Variants in SHOC1 observed in about 807,000 individuals in gnomAD.
SHOC1 encodes shortage in chiasmata 1.
Under a neutral mutation model 179.2 loss-of-function variants are expected in SHOC1, and 136 were observed. The ratio of observed to expected loss-of-function variants is 0.76; its 90% confidence interval spans 0.66 to 0.87. The LOEUF (loss-of-function observed/expected upper bound fraction) is 0.87. Ranked by LOEUF, SHOC1 falls within the 40% of genes least tolerant of loss-of-function variation. The pLI is 0.00. For synonymous variants in SHOC1, 489 were observed against 586.6 expected (o/e 0.83, Z 2.41); for missense variants, 1,538 against 1,700.8 (o/e 0.90, Z 1.68).
At chr9:111,707,711 T>C in intron 19 of SHOC1, 144 bp downstream of exon 19, 1 of 596,664 alleles carries the variant, frequency 1.7e-6, no homozygotes, top group Non-Finnish European at 3.0e-6. Flanking sequence ...AAGTGCCCTA[T>C]GTAAAGCATT....
At chr9:111,743,402 G>A (rs1296677016) in intron 10 of SHOC1, among the ~76,000 whole-genome samples, 1 of 152,066 alleles carries the variant, frequency 6.6e-6, no homozygotes, top group Non-Finnish European at 1.5e-5. Flanking sequence ...GCACTGTTGC[G>A]AGCAGTGTGA....
In SHOC1 at chr9:111,700,105, A is replaced by C. The variant is rs532100251; in HGVS notation, c.3090-58T>G. On this transcript the variant is annotated intron_variant, in intron 23 of 27. Transcript: ENST00000682961. ...ATTTGATATCAGATTATATTTATTAAAAATTCATTTTGTTTTCCACATTTC... is the reference window on the plus strand; with the variant it reads ...ATTTGATATCAGATTATATTTATTACAAATTCATTTTGTTTTCCACATTTC... 7.4e-6 allele frequency: 7 copies of C among 944,464 alleles called. No individual in the cohort carries two copies. The East Asian group carries it at 1.7e-4, about 23-fold the overall frequency. The allele number at this position is 944,464 out of a possible 1,614,324, so 58.5% of individuals were successfully genotyped here.
intron 18 of SHOC1, among the ~76,000 whole-genome samples, chr9:111,709,143 C>T (rs1049039739): frequency 6.6e-6 from 1 of 152,202 alleles, no homozygotes; most frequent in Non-Finnish European, 1.5e-5. Flanking sequence ...GAGTTCGAGA[C>T]CAGCCTGGCC....
At chr9:111,789,707 A>G (rs1397992813) in intron 2 of SHOC1, among the ~76,000 whole-genome samples, 1 of 152,198 alleles carries the variant, frequency 6.6e-6, no homozygotes, top group African/African-American at 2.4e-5. Context: ...CGTTTGTATT[A>G]TATCACGGAC....
chr9:111,715,998 A>AT (rs139029768), intron 16 of SHOC1, among the ~76,000 whole-genome samples: 131 of 150,456 alleles, frequency 8.7e-4, no homozygotes, highest in Middle Eastern at 6.9e-3. Flanking sequence ...ACCTCCGTGG[A>AT]TTTTTTTTTT....
chr9:111,757,733 G>C (rs953747540), intron 7 of SHOC1, among the ~76,000 whole-genome samples: 1 of 152,082 alleles, frequency 6.6e-6, no homozygotes, highest in Non-Finnish European at 1.5e-5. Context: ...TCTAGTTCAG[G>C]TGTCAATTTT....
chr9:111,788,953 T>G (rs1272891227), intron 2 of SHOC1, among the ~76,000 whole-genome samples: 2 of 152,186 alleles, frequency 1.3e-5, no homozygotes, highest in Non-Finnish European at 2.9e-5. Flanking sequence ...GGTCACTCGC[T>G]GGTTAACACC....
chr9:111,735,165 C>G (rs930302281), intron 12 of SHOC1, among the ~76,000 whole-genome samples: 11 of 152,138 alleles, frequency 7.2e-5, no homozygotes, highest in African/African-American at 2.7e-4. Flanking sequence ...TGGTTGGGTA[C>G]TATTCCATGG....
chr9:111,734,667 G>A (rs1033249357), intron 12 of SHOC1, among the ~76,000 whole-genome samples: 1 of 152,174 alleles, frequency 6.6e-6, no homozygotes, highest in African/African-American at 2.4e-5. Flanking sequence ...TATATTACTA[G>A]TGAGCCACAG....
At chr9:111,758,597 CA>C (rs947609909) in intron 6 of SHOC1, 97 bp downstream of exon 6, 162 of 1,195,864 alleles carry the variant, frequency 1.4e-4, no homozygotes, top group Middle Eastern at 2.9e-4. Context: ...CAAAACAAAA[CA>C]AAAAAAAACA....
rs572481441 is a variant in SHOC1, at chr9:111,791,012, A to G, written c.45+362T>C. On this transcript the variant is annotated intron_variant, in intron 2 of 27. Coordinates refer to ENST00000682961, the MANE Select transcript of SHOC1 (RefSeq NM_001378211.1). ...AAAATCCAAAACTTTTTGAGTGCCAATATGATGCCAATGGGTGGTGAAGAT... is the reference window on the plus strand; with the variant it reads ...AAAATCCAAAACTTTTTGAGTGCCAGTATGATGCCAATGGGTGGTGAAGAT... Among the ~76,000 whole-genome samples the G allele has an allele frequency of 6.0e-4, 92 of 152,352 alleles. 1 individual carries two copies. The highest frequency in any genetic ancestry group is 1.6e-3 in the African/African-American group (67 of 41,586).
intron 1 of SHOC1, among the ~76,000 whole-genome samples, chr9:111,792,239 C>G (rs1254404546): frequency 1.3e-5 from 2 of 151,976 alleles, no homozygotes; most frequent in Non-Finnish European, 2.9e-5. Context: ...TACTCTAGGA[C>G]AGAGTAACTT....
intron 18 of SHOC1, among the ~76,000 whole-genome samples, chr9:111,709,174 C>T (rs1044840195): frequency 1.5e-4 from 23 of 152,150 alleles, no homozygotes; most frequent in African/African-American, 5.6e-4. Context: ...AGCCCTGTCT[C>T]TACTAAAAAA....
intron 24 of SHOC1, 35 bp from the exon 25 acceptor site, chr9:111,694,397 T>C (rs1831595545): frequency 6.8e-7 from 1 of 1,465,296 alleles, no homozygotes; most frequent in East Asian, 2.3e-5. Context: ...TTATAGGAAA[T>C]ACTAGGAAGC....
At chr9:111,793,194 T>A (rs561402987) in intron 1 of SHOC1, among the ~76,000 whole-genome samples, 5 of 152,204 alleles carry the variant, frequency 3.3e-5, no homozygotes, top group Admixed American at 6.5e-5. Flanking sequence ...TCACTGATCT[T>A]TCAAGCAAAT....
In SHOC1 at chr9:111,692,489, A is replaced by G. The variant is rs761282811; in HGVS notation, c.3488T>C (p.Leu1163Pro). ...VLKHFCSITSLFKIGSSSITK... is the reference protein window; with the variant it reads ...VLKHFCSITSPFKIGSSSITK... ...TATGGAAGAAGAACCAATCTTGAATAGGGAAGTGATGCTACAAAAATGCTA... is the reference window on the plus strand; with the variant it reads ...TATGGAAGAAGAACCAATCTTGAATGGGGAAGTGATGCTACAAAAATGCTA... The change falls in exon 27 of 28, where the codon CTA becomes CCA. Residue 1163 changes from leucine to proline, a missense_variant. Leu to Pro is a moderately conservative substitution (Grantham distance 98). Transcript: ENST00000682961. 1.3e-6 allele frequency: 2 copies of G among 1,579,862 alleles called. No individual in the cohort carries two copies. The highest frequency in any genetic ancestry group is 1.2e-5 in the South Asian group (1 of 86,420).
chr9:111,730,418 A>G (rs768713086), intron 12 of SHOC1, among the ~76,000 whole-genome samples: 3 of 152,212 alleles, frequency 2.0e-5, no homozygotes, highest in Non-Finnish European at 4.4e-5. Context: ...TAACACTAGA[A>G]AGTAGAAATG....
chr9:111,770,222 T>C (rs1835547733), intron 5 of SHOC1, among the ~76,000 whole-genome samples: 1 of 152,088 alleles, frequency 6.6e-6, no homozygotes, highest in Non-Finnish European at 1.5e-5. Context: ...TATGTTTTAT[T>C]TCCATTTTCA....
chr9:111,727,813 G>C lies in SHOC1; in HGVS notation c.1654C>G (p.Leu552Val). 1 of 1,612,034 alleles carries C rather than the reference G, an allele frequency of 6.2e-7. No individual in the cohort carries two copies. The highest frequency in any genetic ancestry group is 8.5e-7 in the Non-Finnish European group (1 of 1,179,398). Residue 552 changes from leucine to valine, a missense_variant, in exon 13 of 28, where the codon CTT (leucine) becomes GTT (valine). Coordinates refer to ENST00000682961, the MANE Select transcript of SHOC1 (RefSeq NM_001378211.1). ...QKKENNDHFE[L>V]DCTGPSIKSP... ...TTAATAGATGGTCCTGTGCAGTCAA[G>C]TTCAAAGTGATCGTTATTTTCTTTC...
Sources: gnomAD v4.1 joint callset for allele counts (sites outside exome capture counted in the v4.1 genomes callset) on GRCh38, gnomAD v4.1.1 for gene constraint, MANE v1.5 for transcripts, NCBI Gene and HGNC (gene_info 2026-07-23, HGNC 2026-07-21) for gene names.